ARPC2: variants seen among roughly 807,000 people sequenced by gnomAD.
The protein encoded by ARPC2 is actin related protein 2/3 complex subunit 2.
ARPC2 carries 4 observed loss-of-function variants against 38.6 expected under a neutral mutation model. The ratio of observed to expected loss-of-function variants is 0.10; its 90% confidence interval spans 0.05 to 0.24. ARPC2 has a LOEUF of 0.24. Among genes scored for constraint, ARPC2 ranks in the 10% least tolerant of loss-of-function variants. The probability of loss-of-function intolerance (pLI) is 1.00; values close to 1 mark genes in which losing one functional copy is unlikely to be tolerated. For synonymous variants in ARPC2, 125 were observed against 140.8 expected, an observed-to-expected ratio of 0.89 and a Z score of 0.79; for missense variants, 229 against 387.3, an observed-to-expected ratio of 0.59 and a Z score of 3.43.
chr2:218,246,593 C>G (rs1257844560), intron 8 of ARPC2, among the ~76,000 whole-genome samples: 1 of 152,042 alleles, frequency 6.6e-6, no homozygotes, highest in African/African-American at 2.4e-5. Flanking sequence ...GTAATCCCAG[C>G]ACTTTGGGAG....
intron 10 of ARPC2, 22 bp from the exon 11 acceptor site, chr2:218,253,869 G>T (rs371928212): frequency 1.2e-6 from 2 of 1,613,300 alleles, no homozygotes; most frequent in Admixed American, 1.7e-5. Flanking sequence ...ACTGACCTTC[G>T]CACTTATCTC....
intron 5 of ARPC2, chr2:218,235,864 G>A (rs1028520925): frequency 4.6e-5 from 7 of 152,208 alleles, no homozygotes; most frequent in Admixed American, 3.9e-4. Flanking sequence ...CAAGGTGAGT[G>A]AATTGCTTGA....
intron 2 of ARPC2, among the ~76,000 whole-genome samples, chr2:218,217,963 C>G (rs969159405): frequency 3.3e-5 from 5 of 152,152 alleles, no homozygotes; most frequent in African/African-American, 1.2e-4. Flanking sequence ...TCAGGAATTC[C>G]CAGGACTGGA....
Position 218,238,717 on chromosome 2 carries a change from T to C in ARPC2, c.322T>C (p.Ser108Pro). 6.2e-7 allele frequency: 1 copy of C among 1,613,790 alleles called. No individual in the cohort carries two copies. The change falls in exon 6 of 11, where the codon TCC becomes CCC. Residue 108 changes from serine (S) to proline (P), a missense_variant. Physicochemically the swap from Ser to Pro is moderately conservative, Grantham distance 74 (BLOSUM62 -1). Around this residue, in one of 3 missense-constraint regions of ARPC2, gnomAD observed 135 missense variants for 214.1 expected, o/e 0.63. Transcript: ENST00000315717. ...DLENLPASKD[S>P]IVHQAGMLKR... Reference sequence around the variant, plus strand: ...TGAAAATCTTCCGGCATCCAAGGATTCCATTGTGCATCAAGCTGGCATGTT... The same window carrying C: ...TGAAAATCTTCCGGCATCCAAGGATCCCATTGTGCATCAAGCTGGCATGTT...
chr2:218,237,352 A>G (rs1165922398), intron 5 of ARPC2, among the ~76,000 whole-genome samples: 1 of 151,770 alleles, frequency 6.6e-6, no homozygotes, highest in East Asian at 1.9e-4. Flanking sequence ...GGCGTGTACC[A>G]CCACACCCAG....
intron 4 of ARPC2, 79 bp downstream of exon 4, chr2:218,228,929 G>A (rs549969936): frequency 2.1e-6 from 2 of 941,508 alleles, no homozygotes; most frequent in Admixed American, 1.9e-5. Flanking sequence ...GAAGATCCAT[G>A]GCACTAAATC....
chr2:218,231,908 AGCCTGGGCAACGTAGTGAG>A (rs569973806), intron 4 of ARPC2, among the ~76,000 whole-genome samples: 4,736 of 152,290 alleles, frequency 0.031, 79 homozygotes, highest in African/African-American at 0.034. Context: ...GTTCAAGCCC[AGCCTGGGCAACGTAGTGAG>A]ACCCTGTCTT....
At chr2:218,246,369 A>G (rs1002067026) in intron 8 of ARPC2, among the ~76,000 whole-genome samples, 1 of 151,910 alleles carries the variant, frequency 6.6e-6, no homozygotes, top group Non-Finnish European at 1.5e-5. Context: ...TACCAAAAAA[A>G]TAACAAAGAA....
intron 8 of ARPC2, among the ~76,000 whole-genome samples, chr2:218,246,683 G>C (rs1200577772): frequency 6.6e-6 from 1 of 151,476 alleles, no homozygotes; most frequent in East Asian, 2.0e-4. Flanking sequence ...TCTACAAAAA[G>C]CAAGGGGCCA....
chr2:218,230,287 C>CTTTTTTTTTTTTTTTTTT (rs768585570), intron 4 of ARPC2, among the ~76,000 whole-genome samples: 20 of 73,016 alleles, frequency 2.7e-4, no homozygotes, highest in East Asian at 4.6e-4. Context: ...TTTTTTTTTT[C>CTTTTTTTTTTTTTTTTTT]TTTTTTTTTT....
At chr2:218,249,285 T>TA in intron 8 of ARPC2, 79 bp from the exon 9 acceptor site, 1 of 937,398 alleles carries the variant, frequency 1.1e-6, no homozygotes, top group Admixed American at 2.3e-5. Context: ...GGGAGTGATG[T>TA]TCACTAGGCT....
chr2:218,227,483 G>A (rs534116476), intron 3 of ARPC2, among the ~76,000 whole-genome samples: 94 of 152,238 alleles, frequency 6.2e-4, no homozygotes, highest in African/African-American at 2.1e-3. Flanking sequence ...GAGTGCAGTG[G>A]CGTTGATAAT....
rs530364477 is a variant in ARPC2, at chr2:218,245,192, T to C, written c.550-228T>C. 2.6e-5 allele frequency among the ~76,000 whole-genome samples: 4 copies of C among 152,378 alleles called. No individual in the cohort carries two copies. The East Asian group carries it at 7.7e-4, about 29-fold the overall frequency. On this transcript the variant is annotated intron_variant, in intron 7 of 10. Coordinates refer to ENST00000315717, the MANE Select transcript of ARPC2 (RefSeq NM_152862.3). ...GATTATCACTACTTTTCATCACATTTTGAAGATCTGACTTATTAAGTACTT... is the reference window on the plus strand; with the variant it reads ...GATTATCACTACTTTTCATCACATTCTGAAGATCTGACTTATTAAGTACTT...
At chr2:218,251,342 G>T (rs1347616797) in intron 10 of ARPC2, among the ~76,000 whole-genome samples, 1 of 152,138 alleles carries the variant, frequency 6.6e-6, no homozygotes, top group East Asian at 1.9e-4. Flanking sequence ...CTCCCAAGTA[G>T]CTGGGACTAC....
intron 7 of ARPC2, among the ~76,000 whole-genome samples, chr2:218,245,059 A>G (rs1689999274): frequency 1.3e-5 from 2 of 152,318 alleles, no homozygotes; most frequent in South Asian, 4.1e-4. Flanking sequence ...GATTTTATTG[A>G]TGAATTCTAA....
chr2:218,245,811 T>C (rs958728868), intron 8 of ARPC2, among the ~76,000 whole-genome samples: 1 of 152,292 alleles, frequency 6.6e-6, no homozygotes, highest in East Asian at 1.9e-4. Context: ...AATTCTGATA[T>C]CAAGAGTTAA....
chr2:218,228,681 G>T, intron 3 of ARPC2, 57 bp from the exon 4 acceptor site: 1 of 1,109,008 alleles, frequency 9.0e-7, no homozygotes. Flanking sequence ...GTAGGCGCTT[G>T]GAGAGATTAT....
chr2:218,237,050 G>A (rs1689789849), intron 5 of ARPC2, among the ~76,000 whole-genome samples: 1 of 152,154 alleles, frequency 6.6e-6, no homozygotes, highest in Non-Finnish European at 1.5e-5. Context: ...TGGACATGCT[G>A]TAAAAAGGCA....
At chr2:218,223,804 T>C (rs1489954171) in intron 2 of ARPC2, among the ~76,000 whole-genome samples, 3 of 152,190 alleles carry the variant, frequency 2.0e-5, no homozygotes. Flanking sequence ...TAACTATTAA[T>C]TCTGGGGGCC....
Sources: allele counts gnomAD v4.1 joint callset (sites outside exome capture counted in the v4.1 genomes callset), GRCh38; gene constraint gnomAD v4.1.1; regional missense constraint gnomAD v4.1.1; transcripts MANE v1.5; gene names NCBI Gene and HGNC (gene_info 2026-07-23, HGNC 2026-07-21).